The following NDUFB8 variants were observed in gnomAD, a reference collection of about 807,000 sequenced individuals.
The protein encoded by NDUFB8 is NADH:ubiquinone oxidoreductase subunit B8.
A neutral mutation model predicts 26.0 loss-of-function variants in NDUFB8; 17 were observed. That is an observed-to-expected ratio of 0.65 (90% CI 0.45 to 0.98). NDUFB8 has a LOEUF of 0.98. Ranked by LOEUF, NDUFB8 falls within the 50% of genes least tolerant of loss-of-function variation. NDUFB8 has a pLI of 0.00. For synonymous variants in NDUFB8, 89 were observed against 93.1 expected (o/e 0.96, Z 0.25); for missense variants, 238 against 255.0 (o/e 0.93, Z 0.45).
chr10:100,528,717 A>G (rs970973920), intron 2 of NDUFB8, among the ~76,000 whole-genome samples: 14 of 152,222 alleles, frequency 9.2e-5, no homozygotes, highest in African/African-American at 3.4e-4. Context: ...GTGTATAACA[A>G]GAAGAATAGA....
chr10:100,526,837 C>A, intron 3 of NDUFB8, 138 bp downstream of exon 3: 1 of 831,032 alleles, frequency 1.2e-6, no homozygotes. Context: ...CATGCAATCT[C>A]AGATCTCACA....
At chr10:100,525,264 T>A (rs1852024187) in intron 4 of NDUFB8, among the ~76,000 whole-genome samples, 1 of 151,784 alleles carries the variant, frequency 6.6e-6, no homozygotes, top group African/African-American at 2.4e-5. Flanking sequence ...TTGTTTTCTT[T>A]TTTTTTTTTC....
In NDUFB8 at chr10:100,529,361, C is replaced by T; in HGVS notation, c.212+19G>A. On this transcript the variant is annotated intron_variant, in intron 2 of 4. Transcript: ENST00000299166. ...TCTCCCATCACTACTTGGGTGCGAG[C>T]ATACCCTCTCTGTCTCACCCCATGC... 6.3e-7 allele frequency: 1 copy of T among 1,584,062 alleles called. No homozygotes were observed. The highest frequency in any genetic ancestry group is 8.6e-7 in the Non-Finnish European group (1 of 1,167,932).
At position 100,529,759 on chromosome 10, in the gene NDUFB8, T is replaced by C. The variant is rs775305530; in HGVS notation, c.85+8A>G. ...TCCCACACTGAGGTCTCGCCCGTTCTCGCGGACCTGTCCGTGCGCCCAGCG... is the reference window on the plus strand; with the variant it reads ...TCCCACACTGAGGTCTCGCCCGTTCCCGCGGACCTGTCCGTGCGCCCAGCG... On this transcript the variant is annotated splice_region_variant and intron_variant, in intron 1 of 4. Coordinates refer to ENST00000299166, the MANE Select transcript of NDUFB8 (RefSeq NM_005004.4). 6.2e-7 allele frequency: 1 copy of C among 1,612,770 alleles called. No individual in the cohort carries two copies. The highest frequency in any genetic ancestry group is 8.5e-7 in the Non-Finnish European group (1 of 1,179,696).
intron 2 of NDUFB8, among the ~76,000 whole-genome samples, chr10:100,528,290 T>C (rs887722026): frequency 1.4e-4 from 21 of 152,198 alleles, no homozygotes; most frequent in African/African-American, 4.8e-4. Flanking sequence ...GGCCATACCA[T>C]CTAGGTTTCT....
intron 3 of NDUFB8, 28 bp downstream of exon 3, chr10:100,526,947 A>C: frequency 6.3e-7 from 1 of 1,596,860 alleles, no homozygotes; most frequent in Non-Finnish European, 8.6e-7. Flanking sequence ...AGAGAGAAGG[A>C]AGGTCAAATG....
intron 4 of NDUFB8, 74 bp downstream of exon 4, chr10:100,526,325 A>G: frequency 6.7e-7 from 1 of 1,490,262 alleles, no homozygotes; most frequent in Middle Eastern, 2.4e-4. Context: ...CTGGATTCCT[A>G]CCCCAGAGAC....
intron 2 of NDUFB8, among the ~76,000 whole-genome samples, chr10:100,527,454 T>C (rs1479287375): frequency 1.3e-5 from 2 of 152,072 alleles, no homozygotes; most frequent in Non-Finnish European, 2.9e-5. Context: ...AATACAAAAA[T>C]TAGCTGGGTG....
intron 2 of NDUFB8, 157 bp downstream of exon 2, chr10:100,529,223 A>AC (rs71472544): frequency 0.016 from 1,948 of 121,040 alleles, 44 homozygotes; most frequent in African/African-American, 0.074. Flanking sequence ...CTGCTCACCC[A>AC]CCCCCCTCCC....
In NDUFB8 at chr10:100,523,845, CAT is replaced by C; in HGVS notation, c.551_552del (p.Tyr184Ter). The C allele has an allele frequency of 1.9e-6, 3 of 1,614,158 alleles. No individual in the cohort carries two copies. Among genetic ancestry groups the C allele is most frequent in the South Asian group, 2.2e-5 (2 of 91,074 alleles). On this transcript the variant is annotated frameshift_variant, in exon 5 of 5. Coordinates refer to ENST00000299166, the MANE Select transcript of NDUFB8 (RefSeq NM_005004.4). LOFTEE classifies it high-confidence loss of function. ...AAGCCCACGAAGCCTCCTCAGATCT[CAT>C]AGTGAACCACCCGCTCTGGTTCTTT... ...PSKEPERVVH[Y>X]EI
Position 100,527,005 on chromosome 10 carries a change from C to A in NDUFB8, c.282G>T (p.Gln94His). The A allele has an allele frequency of 6.2e-7, 1 of 1,614,176 alleles. No individual in the cohort carries two copies. Among genetic ancestry groups the A allele is most frequent in the East Asian group, 2.2e-5 (1 of 44,884 alleles). Residue 94 changes from glutamine (Q) to histidine (H), a missense_variant, in exon 3 of 5, where the codon CAG becomes CAT. Coordinates refer to ENST00000299166, the MANE Select transcript of NDUFB8 (RefSeq NM_005004.4). ...CACCCCAGTTCAACCTCAGGCCCGG[C>A]TGGTCCCAGCTATACCATGGATCTC... is the stretch of plus-strand genomic sequence containing the variant. The part of the protein sequence containing the change: ...HERDPWYSWD[Q>H]PGLRLNWGEP...
chr10:100,524,484 G>C lies in NDUFB8; in HGVS notation c.469-555C>G, dbSNP rs773539396. 6.6e-6 allele frequency among the ~76,000 whole-genome samples: 1 copy of C among 152,134 alleles called. No homozygotes were observed. The highest frequency in any genetic ancestry group is 1.5e-5 in the Non-Finnish European group (1 of 68,030). On this transcript the variant is annotated intron_variant, in intron 4 of 4. Transcript: ENST00000299166. The surrounding 1 kb of genome is among the most constrained non-coding windows in gnomAD (Gnocchi z 4.0). ...CAGCTGTCAGAGAACACAGCTCAAG[G>C]GGAGGAGAAAAGGGTGATGTGCTTA...
chr10:100,529,911 C>G, upstream of NDUFB8: 1 of 1,560,916 alleles, frequency 6.4e-7, no homozygotes, highest in African/African-American at 1.4e-5. Flanking sequence ...GGCGGCTGAG[C>G]CGGGCCAAAC....
intron 4 of NDUFB8, among the ~76,000 whole-genome samples, chr10:100,525,615 C>CGTGTGTGTGTGT (rs56705301): frequency 1.2e-4 from 12 of 100,164 alleles, no homozygotes; most frequent in African/African-American, 3.8e-4. Flanking sequence ...CCACCCAAAG[C>CGTGTGTGTGTGT]GTGTGTGTGT....
rs1273088310 is a variant in NDUFB8 at position 100,524,534 on chromosome 10, C to A, written c.469-605G>T. On this transcript the variant is annotated intron_variant, in intron 4 of 4. Transcript: ENST00000299166. This position sits in a 1 kb window ranked among gnomAD's most constrained non-coding sequence, Gnocchi z 4.0. ...ACAGAACTGAAAAATGGAAGAGCCA[C>A]ACTGTTCCTTGCTCTCCTGAAGTGA... 1.3e-5 allele frequency among the ~76,000 whole-genome samples: 2 copies of A among 152,238 alleles called. No homozygotes were observed. The highest frequency in any genetic ancestry group is 4.8e-5 in the African/African-American group (2 of 41,468).
intron 4 of NDUFB8, 133 bp downstream of exon 4, chr10:100,526,266 T>A (rs1044271542): frequency 1.9e-6 from 2 of 1,070,454 alleles, no homozygotes; most frequent in Non-Finnish European, 2.6e-6. Flanking sequence ...GTCAAGGCCC[T>A]CCTATCTTCC....
intron 1 of NDUFB8, 103 bp from the exon 2 acceptor site, chr10:100,529,609 G>T: frequency 6.4e-7 from 1 of 1,565,798 alleles, no homozygotes; most frequent in East Asian, 2.3e-5. Flanking sequence ...GGACTTCGCA[G>T]GATCAGTGCG....
In NDUFB8 at chr10:100,524,224, G is replaced by C; in HGVS notation, c.469-295C>G. 8.2e-7 allele frequency: 1 copy of C among 1,218,200 alleles called. No individual in the cohort carries two copies. The highest frequency in any genetic ancestry group is 1.2e-6 in the Non-Finnish European group (1 of 845,762). 75.5% of individuals were successfully genotyped at this position (1,218,200 alleles called of 1,614,324 possible). On this transcript the variant is annotated intron_variant, in intron 4 of 4. Coordinates refer to ENST00000299166, the MANE Select transcript of NDUFB8 (RefSeq NM_005004.4). This position sits in a 1 kb window ranked among gnomAD's most constrained non-coding sequence, Gnocchi z 4.0. ...GAAGACAGGGAGGGAGGTAAAGAAA[G>C]AGAGAAGAGTGTGTTAGAGTCAGAG... is the stretch of plus-strand genomic sequence containing the variant.
chr10:100,526,792 T>G, intron 3 of NDUFB8, 183 bp downstream of exon 3: 1 of 730,142 alleles, frequency 1.4e-6, no homozygotes, highest in South Asian at 1.8e-5. Flanking sequence ...CAGTACAGAG[T>G]TTCATGATTC....
Sources: gnomAD v4.1 joint callset for allele counts (sites outside exome capture counted in the v4.1 genomes callset) on GRCh38, gnomAD v4.1.1 for gene constraint, Gnocchi (gnomAD v3.1) non-coding constraint, MANE v1.5 for transcripts, NCBI Gene and HGNC (gene_info 2026-07-23, HGNC 2026-07-21) for gene names.